JPH3: variants seen among roughly 807,000 people sequenced by gnomAD.
JPH3 encodes junctophilin-3.
JPH3 carries 11 observed loss-of-function variants against 59.6 expected under a neutral mutation model. The observed-to-expected ratio is 0.18, with a 90% CI of 0.12 to 0.31. The LOEUF (loss-of-function observed/expected upper bound fraction) is 0.31. Among genes scored for constraint, JPH3 ranks in the 10% least tolerant of loss-of-function variants. The pLI, the probability that JPH3 is intolerant of heterozygous loss-of-function variation, is 1.00. For missense variants in JPH3, 1,202 were observed against 1,105.7 expected (o/e 1.09, Z -1.24); for synonymous variants, 673 against 483.6 (o/e 1.39, Z -5.14).
At chr16:87,642,944 G>T (rs1306402566) in intron 1 of JPH3, among the ~76,000 whole-genome samples, 2 of 152,204 alleles carry the variant, frequency 1.3e-5, no homozygotes, top group Non-Finnish European at 2.9e-5. Flanking sequence ...ATACAATTCA[G>T]TGGTATTAAT....
At position 87,689,800 on chromosome 16, in the gene JPH3, C is replaced by T. The variant is rs767438757; in HGVS notation, c.1440C>T (p.Phe480=). Residue 480 remains phenylalanine, a synonymous_variant, in exon 4 of 5, where the codon TTC becomes TTT. Transcript: ENST00000284262. ...CCGACGACAGCCCCCTGCAGAGCTT[C>T]CCCACCAGCCCCGCGGCCACCCCGC... ...LTPDDSPLQS[F]PTSPAATPPP... 7.5e-6 allele frequency: 12 copies of T among 1,593,358 alleles called. No homozygotes were observed. Among genetic ancestry groups the T allele is most frequent in the Admixed American group, 5.1e-5 (3 of 58,346 alleles).
chr16:87,669,173 G>T (rs2032952303), intron 2 of JPH3, among the ~76,000 whole-genome samples: 1 of 152,174 alleles, frequency 6.6e-6, no homozygotes. Context: ...GCAGGCATTG[G>T]TCTGCTCTAG....
chr16:87,617,688 G>T (rs562444764), intron 1 of JPH3, among the ~76,000 whole-genome samples: 7 of 152,274 alleles, frequency 4.6e-5, no homozygotes, highest in Admixed American at 4.6e-4. Context: ...GGGACTGGGT[G>T]GTCCTGTCTT....
chr16:87,658,344 C>CTCTCTCTCCT (rs2032577371), intron 2 of JPH3, among the ~76,000 whole-genome samples: 2 of 152,040 alleles, frequency 1.3e-5, no homozygotes, highest in Non-Finnish European at 2.9e-5. Flanking sequence ...CTGTTTCCCT[C>CTCTCTCTCCT]TCTCTCTCCT....
At chr16:87,686,663 G>C (rs1018715963) in intron 3 of JPH3, among the ~76,000 whole-genome samples, 3 of 151,086 alleles carry the variant, frequency 2.0e-5, no homozygotes. Context: ...ATGCTTCCCA[G>C]AGGGCTCAGT....
rs775456087 is a variant in JPH3 at position 87,690,075 on chromosome 16, G to A, written c.1715G>A (p.Arg572Gln). 11 of 1,566,282 alleles carry A rather than the reference G, an allele frequency of 7.0e-6. No homozygotes were observed. In the South Asian group the frequency reaches 9.3e-5, roughly 13 times the overall value. ...AAGCAGCCCGGGAACCCCAAGCCGCGGGAGCGGCGGACGGAGTCACCCCCC... is the reference window on the plus strand; with the variant it reads ...AAGCAGCCCGGGAACCCCAAGCCGCAGGAGCGGCGGACGGAGTCACCCCCC... Reference protein sequence around the residue: ...GRKQPGNPKPRERRTESPPVF... With the variant: ...GRKQPGNPKPQERRTESPPVF... Residue 572 changes from arginine (R) to glutamine (Q), a missense_variant, in exon 4 of 5, where the codon CGG becomes CAG. Physicochemically the swap from Arg to Gln is conservative, Grantham distance 43 (BLOSUM62 1). Transcript: ENST00000284262.
chr16:87,677,504 T>G (rs2033182456), intron 2 of JPH3, among the ~76,000 whole-genome samples: 1 of 152,224 alleles, frequency 6.6e-6, no homozygotes, highest in African/African-American at 2.4e-5. Context: ...CTGCACCTCA[T>G]CCCATGAATC....
intron 1 of JPH3, among the ~76,000 whole-genome samples, chr16:87,607,905 G>T (rs980317801): frequency 2.0e-5 from 3 of 152,244 alleles, no homozygotes; most frequent in Admixed American, 2.0e-4. Context: ...ACTTCGGGGG[G>T]CGGGTGGTGA....
chr16:87,680,748 A>G (rs939653208), intron 2 of JPH3, among the ~76,000 whole-genome samples: 3 of 152,230 alleles, frequency 2.0e-5, no homozygotes, highest in Admixed American at 2.0e-4. Context: ...ATTTATGACA[A>G]ACCGCTGCAG....
At chr16:87,638,986 G>T (rs75193077) in intron 1 of JPH3, among the ~76,000 whole-genome samples, 4 of 152,316 alleles carry the variant, frequency 2.6e-5, no homozygotes, top group African/African-American at 9.6e-5. Context: ...AGGTGAACCT[G>T]GATCCAGACT....
intron 3 of JPH3, among the ~76,000 whole-genome samples, chr16:87,688,681 T>C (rs997553834): frequency 3.3e-5 from 5 of 152,084 alleles, no homozygotes; most frequent in Non-Finnish European, 7.4e-5. Flanking sequence ...CTCTGCACCA[T>C]TTTGGCTCGG....
intron 1 of JPH3, among the ~76,000 whole-genome samples, chr16:87,636,475 G>A (rs188631971): frequency 3.9e-5 from 6 of 152,334 alleles, no homozygotes; most frequent in South Asian, 4.1e-4. Flanking sequence ...CCGAGGGAGC[G>A]AGGGAGAGGA....
chr16:87,690,575 C>G, intron 4 of JPH3, 49 bp downstream of exon 4: 3 of 1,417,814 alleles, frequency 2.1e-6, no homozygotes, highest in Non-Finnish European at 2.8e-6. Flanking sequence ...ACATCCACCT[C>G]TCTGCTGACC....
intron 2 of JPH3, among the ~76,000 whole-genome samples, chr16:87,658,431 T>G (rs2032582420): frequency 7.0e-6 from 1 of 142,824 alleles, no homozygotes; most frequent in South Asian, 2.2e-4. Context: ...TTCCTCTCTA[T>G]CTCCCTATCT....
intron 1 of JPH3, among the ~76,000 whole-genome samples, chr16:87,616,475 C>T (rs1278893366): frequency 4.0e-5 from 6 of 150,296 alleles, no homozygotes; most frequent in East Asian, 2.0e-4. Flanking sequence ...TGGTCTTGAT[C>T]TCCTGACCTC....
At chr16:87,668,533 C>A (rs962654307) in intron 2 of JPH3, among the ~76,000 whole-genome samples, 1 of 152,202 alleles carries the variant, frequency 6.6e-6, no homozygotes, top group Non-Finnish European at 1.5e-5. Flanking sequence ...TCTGTTACAC[C>A]AAATGCAGTT....
rs1185822482 is a variant in JPH3 at position 87,602,675 on chromosome 16, C to T, written c.-472C>T. 7.2e-6 allele frequency among the ~76,000 whole-genome samples: 1 copy of T among 138,566 alleles called. No individual in the cohort carries two copies. Among genetic ancestry groups the T allele is most frequent in the African/African-American group, 2.6e-5 (1 of 38,726 alleles). The allele number at this position is 138,566 out of a possible 152,430, so 90.9% of individuals were successfully genotyped here. A position where few individuals can be genotyped will look rare whatever the true frequency, so the allele number is the denominator to read the frequency against. On this transcript the variant is annotated 5_prime_UTR_variant, in exon 1 of 5. Transcript: ENST00000284262. ...CCGCCCGTGCCGCCGCCGCCGCCCG[C>T]GGGCCCCGCCGCCGCCCTCGGGCGC...
At chr16:87,693,090 T>G (rs921814069) in intron 4 of JPH3, among the ~76,000 whole-genome samples, 1 of 152,238 alleles carries the variant, frequency 6.6e-6, no homozygotes, top group African/African-American at 2.4e-5. Context: ...ACAATACACC[T>G]GCCTGAGGCC....
At chr16:87,646,865 C>T (rs549695399) in intron 2 of JPH3, among the ~76,000 whole-genome samples, 29 of 152,260 alleles carry the variant, frequency 1.9e-4, no homozygotes, top group African/African-American at 6.0e-4. Context: ...TATTTCACAG[C>T]CTTGGCACTG....
Sources: gnomAD v4.1 joint callset for allele counts (sites outside exome capture counted in the v4.1 genomes callset) on GRCh38, gnomAD v4.1.1 for gene constraint, MANE v1.5 for transcripts, NCBI Gene and HGNC (gene_info 2026-07-23, HGNC 2026-07-21) for gene names.